FANCB: variants seen among roughly 807,000 people sequenced by gnomAD.
FANCB encodes Fanconi anemia group B protein.
A neutral mutation model predicts 38.9 loss-of-function variants in FANCB; 5 were observed. The ratio of observed to expected loss-of-function variants is 0.13; its 90% CI spans 0.07 to 0.27. The LOEUF is 0.27. Among genes scored for constraint, FANCB ranks in the 10% least tolerant of loss-of-function variants. The pLI, the probability that FANCB is intolerant of heterozygous loss-of-function variation, is 1.00. For missense variants in FANCB, 573 were observed against 602.7 expected (o/e 0.95, Z 0.52); for synonymous variants, 236 against 215.4 (o/e 1.10, Z -0.84).
chrX:14,700,422 T>C, the FANCB span, among the ~76,000 whole-genome samples: 1 of 110,999 alleles, frequency 9.0e-6, no homozygotes, highest in Non-Finnish European at 1.9e-5. Flanking sequence ...AGCACCAGCA[T>C]ATCAGAGACA....
the FANCB span, among the ~76,000 whole-genome samples, chrX:14,693,405 C>G: frequency 1.8e-5 from 2 of 111,548 alleles, no homozygotes; most frequent in Non-Finnish European, 3.8e-5. Flanking sequence ...AAAATGATCA[C>G]TTCAATAGGG....
At chrX:14,758,736 C>T in the FANCB span, among the ~76,000 whole-genome samples, 1 of 111,884 alleles carries the variant, frequency 8.9e-6, no homozygotes, top group Non-Finnish European at 1.9e-5. Context: ...AGCCCTTGAG[C>T]CCCAGATCTT....
At chrX:14,786,517 T>C in the FANCB span, among the ~76,000 whole-genome samples, 1 of 110,957 alleles carries the variant, frequency 9.0e-6, no homozygotes, top group Admixed American at 9.6e-5. Context: ...GACATATGAA[T>C]GAACGCCCCA....
the FANCB span, among the ~76,000 whole-genome samples, chrX:14,773,726 T>C: frequency 8.9e-6 from 1 of 111,985 alleles, no homozygotes; most frequent in Non-Finnish European, 1.9e-5. Flanking sequence ...AGTGGGACTC[T>C]AGTGAGAGAT....
the FANCB span, among the ~76,000 whole-genome samples, chrX:14,757,450 C>T: frequency 9.0e-6 from 1 of 111,720 alleles, no homozygotes; most frequent in Non-Finnish European, 1.9e-5. Context: ...CCAAGACACT[C>T]CACAGACCCT....
the FANCB span, among the ~76,000 whole-genome samples, chrX:14,696,109 G>A: frequency 4.6e-5 from 5 of 107,762 alleles, no homozygotes; most frequent in Non-Finnish European, 9.6e-5. Flanking sequence ...GACAATAGAG[G>A]AGTTGAAAGA....
At chrX:14,807,181 C>A in the FANCB span, among the ~76,000 whole-genome samples, 1 of 112,144 alleles carries the variant, frequency 8.9e-6, no homozygotes, top group African/African-American at 3.2e-5. Context: ...CAATTCAGGA[C>A]ATATTTTAAT....
At chrX:14,700,050 AAATAATCTGTAC>A in the FANCB span, among the ~76,000 whole-genome samples, 1 of 111,045 alleles carries the variant, frequency 9.0e-6, no homozygotes, top group Non-Finnish European at 1.9e-5. Flanking sequence ...TGGGGTGATG[AAATAATCTGTAC>A]AATAATCTGT....
At chrX:14,784,166 C>T in the FANCB span, among the ~76,000 whole-genome samples, 2 of 112,341 alleles carry the variant, frequency 1.8e-5, no homozygotes, top group Non-Finnish European at 3.8e-5. Context: ...GCAGAGATCA[C>T]GCCATTGCCC....
At chrX:14,818,700 T>A in the FANCB span, among the ~76,000 whole-genome samples, 1 of 112,008 alleles carries the variant, frequency 8.9e-6, no homozygotes, top group Admixed American at 9.5e-5. Context: ...AAAGCAACAG[T>A]TGACATTTAC....
At chrX:14,775,084 G>A in the FANCB span, among the ~76,000 whole-genome samples, 503 of 106,894 alleles carry the variant, frequency 4.7e-3, 3 homozygotes, top group African/African-American at 0.016. Flanking sequence ...TGCCCGCCTC[G>A]GCCTTCCAAA....
the FANCB span, among the ~76,000 whole-genome samples, chrX:14,693,123 A>G: frequency 9.0e-6 from 1 of 111,435 alleles, no homozygotes; most frequent in South Asian, 3.7e-4. Context: ...GATTAAACCC[A>G]AATATATTAT....
At chrX:14,723,313 T>A in the FANCB span, among the ~76,000 whole-genome samples, 2 of 112,205 alleles carry the variant, frequency 1.8e-5, no homozygotes, top group Non-Finnish European at 3.8e-5. Flanking sequence ...AATCCATCTC[T>A]AAGACCTGTT....
chrX:14,755,678 T>C, the FANCB span, among the ~76,000 whole-genome samples: 1 of 111,708 alleles, frequency 9.0e-6, no homozygotes, highest in African/African-American at 3.2e-5. Context: ...AAGCTATGCC[T>C]ATGTTCATGA....
Position 14,843,841 on chromosome X carries a change from G to A in FANCB, c.2306C>T (p.Thr769Ile). 1 of 1,209,637 alleles carries A rather than the reference G, an allele frequency of 8.3e-7. No homozygotes were observed. Among genetic ancestry groups the A allele is most frequent in the Non-Finnish European group, 1.1e-6 (1 of 894,098 alleles). The change falls in exon 10 of 10, where the codon ACC becomes ATC. Residue 769 changes from threonine (T) to isoleucine (I), a missense_variant. Transcript: ENST00000650831. ...TATGGCAGAAGAAAGAGAACTAAGGGTGACTAGTTCCTTCTCCAAAGTAAA... is the reference window on the plus strand; with the variant it reads ...TATGGCAGAAGAAAGAGAACTAAGGATGACTAGTTCCTTCTCCAAAGTAAA... Reference protein sequence around the residue: ...MAFTLEKELVTLSSLSSAIAK... With the variant: ...MAFTLEKELVILSSLSSAIAK...
the FANCB span, among the ~76,000 whole-genome samples, chrX:14,776,547 G>A: frequency 8.9e-6 from 1 of 112,188 alleles, no homozygotes; most frequent in Non-Finnish European, 1.9e-5. Context: ...TCTAGGGAGT[G>A]CCTGGGCTGA....
the FANCB span, among the ~76,000 whole-genome samples, chrX:14,816,592 C>T: frequency 8.5e-3 from 960 of 112,288 alleles, 7 homozygotes; most frequent in African/African-American, 0.029. Context: ...GGGCACTGTC[C>T]TGTGCATTGC....
At chrX:14,697,091 GA>G in the FANCB span, among the ~76,000 whole-genome samples, 85 of 103,770 alleles carry the variant, frequency 8.2e-4, no homozygotes, top group Middle Eastern at 4.9e-3. Context: ...ACCATGGTTA[GA>G]AAAAAAAAAA....
At chrX:14,845,841 C>T (rs967037834) in intron 7 of FANCB, among the ~76,000 whole-genome samples, 2 of 111,831 alleles carry the variant, frequency 1.8e-5, no homozygotes, top group Non-Finnish European at 1.9e-5. Flanking sequence ...TCCATATCTA[C>T]ATTTATAATA....
Sources: gnomAD v4.1 joint callset for allele counts (sites outside exome capture counted in the v4.1 genomes callset) on GRCh38, gnomAD v4.1.1 for gene constraint, MANE v1.5 for transcripts, NCBI Gene and HGNC (gene_info 2026-07-23, HGNC 2026-07-21) for gene names.